THSD7A: variants seen among roughly 807,000 people sequenced by gnomAD.
THSD7A encodes the protein thrombospondin type 1 domain containing 7A.
THSD7A carries 96 observed loss-of-function variants against 231.3 expected under a neutral mutation model. That is an observed-to-expected ratio of 0.41 (90% CI 0.35 to 0.49). The LOEUF (loss-of-function observed/expected upper bound fraction) is 0.49, where lower values mean the gene tolerates loss of function less well. Ranked by LOEUF, THSD7A falls within the 20% of genes least tolerant of loss-of-function variation. The pLI, the probability that THSD7A is intolerant of heterozygous loss-of-function variation, is 0.05. For synonymous variants in THSD7A, 940 were observed against 743.3 expected (o/e 1.26, Z -4.30); for missense variants, 2,290 against 2,070.2 (o/e 1.11, Z -2.06).
chr7:11,748,396 C>T (rs1353993041), intron 1 of THSD7A, among the ~76,000 whole-genome samples: 1 of 151,722 alleles, frequency 6.6e-6, no homozygotes, highest in Non-Finnish European at 1.5e-5. Flanking sequence ...AACCATTCCC[C>T]GATTATCAAA....
In THSD7A at chr7:11,546,802, G is replaced by A. The variant is rs543920742; in HGVS notation, c.1454-3685C>T. Among the ~76,000 whole-genome samples, 12 of 152,142 alleles carry A rather than the reference G, an allele frequency of 7.9e-5. No homozygotes were observed. The South Asian group carries it at 1.9e-3, about 24-fold the overall frequency. On this transcript the variant is annotated intron_variant, in intron 4 of 27. Transcript: ENST00000423059. ...GAGATTCAGGAGAAAGTTGAAACCC[G>A]ATCCAAGAAATCTAAGGAATCCAGT...
intron 2 of THSD7A, among the ~76,000 whole-genome samples, chr7:11,619,103 C>G (rs1441141007): frequency 6.6e-6 from 1 of 151,880 alleles, no homozygotes; most frequent in Admixed American, 6.6e-5. Context: ...ATATTTATAT[C>G]TAACCTAGAG....
chr7:11,731,838 C>T (rs893043664), intron 1 of THSD7A, among the ~76,000 whole-genome samples: 3 of 151,486 alleles, frequency 2.0e-5, no homozygotes, highest in African/African-American at 7.3e-5. Flanking sequence ...ACATGGCATT[C>T]CATCCCTCTG....
chr7:11,586,713 A>G (rs1490420503), intron 4 of THSD7A, among the ~76,000 whole-genome samples: 1 of 152,176 alleles, frequency 6.6e-6, no homozygotes, highest in African/African-American at 2.4e-5. Flanking sequence ...CCATTTAGCA[A>G]TGGTGTGACT....
intron 4 of THSD7A, among the ~76,000 whole-genome samples, chr7:11,579,445 A>C (rs1189836657): frequency 6.6e-6 from 1 of 152,208 alleles, no homozygotes; most frequent in Non-Finnish European, 1.5e-5. Context: ...GCTATCATTC[A>C]TCTACAACGA....
At chr7:11,499,327 G>A (rs1432070316) in intron 6 of THSD7A, among the ~76,000 whole-genome samples, 1 of 152,122 alleles carries the variant, frequency 6.6e-6, no homozygotes, top group African/African-American at 2.4e-5. Flanking sequence ...CTGACTCTCA[G>A]GAGTCAAGCA....
chr7:11,528,997 T>G lies in THSD7A; in HGVS notation c.1822+12422A>C, dbSNP rs114686796. Among the ~76,000 whole-genome samples the G allele has an allele frequency of 8.0e-3, 1,215 of 152,306 alleles. 13 individuals carry two copies. The highest frequency in any genetic ancestry group is 0.026 in the African/African-American group (1,096 of 41,586). ...CTGATCATACATAAGTCAAGTCCAA[T>G]TTCTGCCCACAGTCAGTAGCTTGTT... On this transcript the variant is annotated intron_variant, in intron 6 of 27. Coordinates refer to ENST00000423059, the MANE Select transcript of THSD7A (RefSeq NM_015204.3).
In THSD7A at chr7:11,540,398, G is replaced by C. The variant is rs1789094402; in HGVS notation, c.1822+1021C>G. ...CGACTGAACAGTGACTGAGTCACAG[G>C]AGGAAACAATTCTGCTTACTGGAAG... On this transcript the variant is annotated intron_variant, in intron 6 of 27. Transcript: ENST00000423059. Among the ~76,000 whole-genome samples the C allele has an allele frequency of 1.3e-5, 2 of 152,196 alleles. 1 individual carries two copies. The highest frequency in any genetic ancestry group is 4.1e-4 in the South Asian group (2 of 4,830).
intron 1 of THSD7A, among the ~76,000 whole-genome samples, chr7:11,681,225 T>C (rs1783856962): frequency 6.6e-6 from 1 of 151,866 alleles, no homozygotes; most frequent in Non-Finnish European, 1.5e-5. Flanking sequence ...AGTGGAGGGA[T>C]AGCATTAGGA....
chr7:11,456,314 C>T (rs1184099410), intron 11 of THSD7A, among the ~76,000 whole-genome samples: 2 of 151,874 alleles, frequency 1.3e-5, no homozygotes, highest in African/African-American at 4.8e-5. Flanking sequence ...TCACCTTTAG[C>T]CCCTTTTTAA....
At chr7:11,422,554 G>A (rs1453063999) in intron 16 of THSD7A, among the ~76,000 whole-genome samples, 1 of 125,576 alleles carries the variant, frequency 8.0e-6, no homozygotes, top group Non-Finnish European at 1.6e-5. Context: ...AAGTTACTTT[G>A]TTTAGAATGT....
chr7:11,753,798 G>A (rs1396915048), intron 1 of THSD7A, among the ~76,000 whole-genome samples: 1 of 151,970 alleles, frequency 6.6e-6, no homozygotes, highest in Non-Finnish European at 1.5e-5. Context: ...GACAGAGAGA[G>A]AGAGAGAGAC....
At chr7:11,455,686 C>G (rs1360608904) in intron 11 of THSD7A, among the ~76,000 whole-genome samples, 2 of 151,994 alleles carry the variant, frequency 1.3e-5, no homozygotes, top group African/African-American at 4.8e-5. Context: ...TAGATTTTAT[C>G]AAGACTGCAT....
intron 9 of THSD7A, among the ~76,000 whole-genome samples, chr7:11,466,399 C>T (rs889475532): frequency 6.6e-6 from 1 of 152,082 alleles, no homozygotes; most frequent in Non-Finnish European, 1.5e-5. Context: ...ATTTTCTTCA[C>T]AACAAAAGGC....
chr7:11,445,187 C>A (rs1263236719), intron 13 of THSD7A, among the ~76,000 whole-genome samples: 7 of 151,898 alleles, frequency 4.6e-5, no homozygotes, highest in Non-Finnish European at 4.4e-5. Context: ...TTAACTCATC[C>A]TTTCTTGGCC....
intron 6 of THSD7A, 22 bp from the exon 7 acceptor site, chr7:11,482,004 A>C: frequency 6.4e-7 from 1 of 1,572,252 alleles, no homozygotes; most frequent in South Asian, 1.2e-5. Context: ...ATGACCACCA[A>C]CAGCTATTAT....
intron 23 of THSD7A, among the ~76,000 whole-genome samples, chr7:11,392,708 T>C (rs74780032): frequency 5.6e-4 from 85 of 152,248 alleles, no homozygotes; most frequent in African/African-American, 1.9e-3. Flanking sequence ...GAGGGGTGTA[T>C]ACCATTATTG....
Position 11,764,687 on chromosome 7 carries a change from T to C in THSD7A, c.190+67070A>G, listed in dbSNP as rs1237197185. On this transcript the variant is annotated intron_variant, in intron 1 of 27. Coordinates refer to ENST00000423059, the MANE Select transcript of THSD7A (RefSeq NM_015204.3). ...ATTTTTAAAACCTAAATTCTGGTTT[T>C]ATCATAATTTTTAGTAATTATGGAA... Among the ~76,000 whole-genome samples the C allele has an allele frequency of 7.9e-5, 12 of 152,176 alleles. No individual in the cohort carries two copies. In the South Asian group the frequency reaches 1.9e-3, roughly 24 times the overall value.
chr7:11,760,458 G>A (rs57645050), intron 1 of THSD7A, among the ~76,000 whole-genome samples: 26,900 of 151,966 alleles, frequency 0.18, 2,865 homozygotes, highest in African/African-American at 0.29. Context: ...TTATGTGAAT[G>A]TTCCTCATTA....
Sources: allele counts gnomAD v4.1 joint callset (sites outside exome capture counted in the v4.1 genomes callset), GRCh38; gene constraint gnomAD v4.1.1; transcripts MANE v1.5; gene names NCBI Gene and HGNC (gene_info 2026-07-23, HGNC 2026-07-21).